Variants in HS2ST1 observed in about 807,000 individuals in gnomAD.
HS2ST1 encodes heparan sulfate 2-O-sulfotransferase 1, also known as 2-O-sulfotransferase.
In HS2ST1, 18 loss-of-function variants were observed where a neutral mutation model predicts 42.9. The observed-to-expected ratio is 0.42, with a 90% CI of 0.29 to 0.62. The LOEUF (loss-of-function observed/expected upper bound fraction) is 0.62, where lower values mean the gene tolerates loss of function less well. HS2ST1 is among the 20% of genes least tolerant of loss of function. The pLI, the probability that HS2ST1 is intolerant of heterozygous loss-of-function variation, is 0.21. For missense variants in HS2ST1, 334 were observed against 433.8 expected (o/e 0.77, Z 2.04); for synonymous variants, 146 against 152.9 (o/e 0.95, Z 0.33).
At chr1:86,997,937 ATAAT>A (rs1394132649) in intron 1 of HS2ST1, among the ~76,000 whole-genome samples, 1 of 152,186 alleles carries the variant, frequency 6.6e-6, no homozygotes, top group Non-Finnish European at 1.5e-5. Flanking sequence ...TTGACTGTGA[ATAAT>A]TAAAACCATG....
chr1:87,098,598 G>A (rs1033893477), intron 5 of HS2ST1, among the ~76,000 whole-genome samples: 1 of 152,102 alleles, frequency 6.6e-6, no homozygotes, highest in Non-Finnish European at 1.5e-5. Flanking sequence ...CATTATTTGA[G>A]ATAATATTAT....
intron 1 of HS2ST1, among the ~76,000 whole-genome samples, chr1:86,990,734 C>T (rs1359587857): frequency 6.9e-6 from 1 of 145,036 alleles, no homozygotes; most frequent in Non-Finnish European, 1.5e-5. Context: ...ACCTCCACCT[C>T]CCAGGTTCAA....
chr1:87,020,565 T>G (rs1408541293), intron 1 of HS2ST1, among the ~76,000 whole-genome samples: 1 of 152,132 alleles, frequency 6.6e-6, no homozygotes, highest in African/African-American at 2.4e-5. Flanking sequence ...TCTGTATTAG[T>G]TTGTGAGGGC....
intron 1 of HS2ST1, chr1:86,934,804 T>TGG: frequency 6.6e-6 from 1 of 151,946 alleles, no homozygotes; most frequent in Middle Eastern, 3.1e-3. Context: ...GGCGGGCACC[T>TGG]GTATTCCCAG....
chr1:86,968,270 A>G (rs1648120043), intron 1 of HS2ST1, among the ~76,000 whole-genome samples: 1 of 151,924 alleles, frequency 6.6e-6, no homozygotes. Context: ...TGTTTTGCTG[A>G]TTTGCACTAT....
chr1:87,108,128 G>A lies in HS2ST1; in HGVS notation c.*3432G>A, dbSNP rs1213877728. The A allele has an allele frequency of 6.6e-6, 1 of 152,030 alleles. No individual in the cohort carries two copies. Among genetic ancestry groups the A allele is most frequent in the Non-Finnish European group, 1.5e-5 (1 of 67,934 alleles). The allele number at this position is 152,030 out of a possible 1,614,324, so 9.4% of individuals were successfully genotyped here. A position where few individuals can be genotyped will look rare whatever the true frequency, so the allele number is the denominator to read the frequency against. On this transcript the variant is annotated 3_prime_UTR_variant, in exon 7 of 7. Transcript: ENST00000370550. The stretch of plus-strand genomic sequence containing the variant: ...TGATATTGCAGATGACTTGCTTACT[G>A]TATTTGCATTGTTAGAAAACAGTTT...
At chr1:87,081,006 A>G (rs1651672565) in intron 2 of HS2ST1, among the ~76,000 whole-genome samples, 1 of 152,322 alleles carries the variant, frequency 6.6e-6, no homozygotes, top group Non-Finnish European at 1.5e-5. Context: ...CAGCAAGAGA[A>G]TATAAAATTT....
chr1:87,048,123 A>G (rs1003591136), intron 1 of HS2ST1, among the ~76,000 whole-genome samples: 5 of 152,074 alleles, frequency 3.3e-5, no homozygotes. Flanking sequence ...TTTTTACTGT[A>G]TGGTCTTGTA....
At chr1:86,996,731 TG>T (rs1262789158) in intron 1 of HS2ST1, among the ~76,000 whole-genome samples, 4 of 152,076 alleles carry the variant, frequency 2.6e-5, no homozygotes, top group Non-Finnish European at 4.4e-5. Context: ...TCCATAGACT[TG>T]GGATATTAAA....
chr1:86,938,038 A>G (rs1214565708), intron 1 of HS2ST1, among the ~76,000 whole-genome samples: 2 of 152,218 alleles, frequency 1.3e-5, no homozygotes, highest in African/African-American at 4.8e-5. Context: ...TGTGTTTAGC[A>G]TGAATACCTA....
At chr1:87,060,301 A>G (rs1430122248) in intron 1 of HS2ST1, among the ~76,000 whole-genome samples, 1 of 152,190 alleles carries the variant, frequency 6.6e-6, no homozygotes, top group Non-Finnish European at 1.5e-5. Context: ...ATCCCAAAAT[A>G]AAATATATCA....
chr1:86,991,829 A>G (rs968777535), intron 1 of HS2ST1, among the ~76,000 whole-genome samples: 1 of 152,180 alleles, frequency 6.6e-6, no homozygotes, highest in Non-Finnish European at 1.5e-5. Context: ...TTAACATATT[A>G]ATAGAAGAGG....
chr1:86,963,904 C>T (rs1249741135), intron 1 of HS2ST1, among the ~76,000 whole-genome samples: 1 of 150,112 alleles, frequency 6.7e-6, no homozygotes, highest in East Asian at 2.0e-4. Context: ...GGGGGCTGCC[C>T]CCCACCTCCC....
chr1:86,943,490 G>T (rs996782929), intron 1 of HS2ST1, among the ~76,000 whole-genome samples: 5 of 152,138 alleles, frequency 3.3e-5, no homozygotes, highest in Non-Finnish European at 7.4e-5. Context: ...CTGAGGTTGA[G>T]GCTGGTGGAT....
intron 1 of HS2ST1, among the ~76,000 whole-genome samples, chr1:86,990,954 A>G (rs1270504868): frequency 6.7e-6 from 1 of 148,530 alleles, no homozygotes; most frequent in Non-Finnish European, 1.5e-5. Flanking sequence ...TGCTGGGATT[A>G]TAGGCCTGAG....
At chr1:87,005,598 T>C (rs1649415893) in intron 1 of HS2ST1, among the ~76,000 whole-genome samples, 1 of 152,190 alleles carries the variant, frequency 6.6e-6, no homozygotes, top group Non-Finnish European at 1.5e-5. Flanking sequence ...AATGAATGTA[T>C]ACATTTTGAA....
At chr1:87,026,230 C>T (rs1271402761) in intron 1 of HS2ST1, among the ~76,000 whole-genome samples, 2 of 152,180 alleles carry the variant, frequency 1.3e-5, no homozygotes, top group African/African-American at 4.8e-5. Context: ...TTATTGGCCC[C>T]TTCCTTCACT....
chr1:86,922,721 A>G (rs991577059), intron 1 of HS2ST1, among the ~76,000 whole-genome samples: 2 of 152,182 alleles, frequency 1.3e-5, no homozygotes, highest in South Asian at 2.1e-4. Context: ...AACTATATGT[A>G]GCGTGTCTTT....
chr1:86,998,949 A>G (rs750331657), intron 1 of HS2ST1, among the ~76,000 whole-genome samples: 9 of 152,168 alleles, frequency 5.9e-5, no homozygotes, highest in Non-Finnish European at 7.3e-5. Context: ...CATTTTAATA[A>G]GCTCAGGTGA....
Sources: allele counts gnomAD v4.1 joint callset (sites outside exome capture counted in the v4.1 genomes callset), GRCh38; gene constraint gnomAD v4.1.1; transcripts MANE v1.5; gene names NCBI Gene and HGNC (gene_info 2026-07-23, HGNC 2026-07-21).